The following MAML2 variants were observed in gnomAD, a reference collection of about 807,000 sequenced individuals.
MAML2 encodes mastermind like transcriptional coactivator 2.
In MAML2, 22 loss-of-function variants were observed where a neutral mutation model predicts 96.1. The ratio of observed to expected loss-of-function variants is 0.23; its 90% CI spans 0.16 to 0.33. The LOEUF is 0.33. MAML2 is among the 10% of genes least tolerant of loss of function. The pLI, the probability that MAML2 is intolerant of heterozygous loss-of-function variation, is 1.00. For missense variants in MAML2, 1,367 were observed against 1,392.4 expected, an observed-to-expected ratio of 0.98 and a Z score of 0.29; for synonymous variants, 561 against 521.3, an observed-to-expected ratio of 1.08 and a Z score of -1.04.
intron 2 of MAML2, among the ~76,000 whole-genome samples, chr11:96,059,934 A>G (rs1267277327): frequency 6.6e-6 from 1 of 152,222 alleles, no homozygotes; most frequent in East Asian, 1.9e-4. Flanking sequence ...CCACTAGATC[A>G]ATGTGTTAAG....
intron 1 of MAML2, among the ~76,000 whole-genome samples, chr11:96,271,455 G>T (rs1415478468): frequency 6.6e-6 from 1 of 152,138 alleles, no homozygotes; most frequent in Non-Finnish European, 1.5e-5. Context: ...ATCTCATCTT[G>T]AATTGTAGTT....
chr11:96,052,866 G>C (rs549433874), intron 2 of MAML2, among the ~76,000 whole-genome samples: 1 of 152,326 alleles, frequency 6.6e-6, no homozygotes, highest in East Asian at 1.9e-4. Context: ...TCTTTGCCTA[G>C]AATGAAGCCT....
chr11:96,240,762 C>T (rs1216696496), intron 1 of MAML2, among the ~76,000 whole-genome samples: 2 of 151,826 alleles, frequency 1.3e-5, no homozygotes, highest in African/African-American at 4.8e-5. Context: ...TGAAAACTGC[C>T]AGCAGAAAGG....
intron 1 of MAML2, among the ~76,000 whole-genome samples, chr11:96,123,728 T>C (rs531646963): frequency 1.2e-3 from 183 of 152,130 alleles, no homozygotes; most frequent in Non-Finnish European, 2.1e-3. Context: ...TGAGGAACAG[T>C]GTGCACAGAT....
Position 96,276,550 on chromosome 11 carries a change from C to T in MAML2, c.513+64833G>A, listed in dbSNP as rs553817122. Among the ~76,000 whole-genome samples, 6 of 152,264 alleles carry T rather than the reference C, an allele frequency of 3.9e-5. No homozygotes were observed. The South Asian group carries it at 8.3e-4, about 21-fold the overall frequency. ...AGTGACACCTTAGGGTCATGCCAGCCTGTACCGACAACCATAGTTCCAAGG... is the reference window on the plus strand; with the variant it reads ...AGTGACACCTTAGGGTCATGCCAGCTTGTACCGACAACCATAGTTCCAAGG... On this transcript the variant is annotated intron_variant, in intron 1 of 4. Coordinates refer to ENST00000524717, the MANE Select transcript of MAML2 (RefSeq NM_032427.4).
intron 1 of MAML2, among the ~76,000 whole-genome samples, chr11:96,332,955 C>A (rs1863872692): frequency 6.6e-6 from 1 of 152,114 alleles, no homozygotes; most frequent in Non-Finnish European, 1.5e-5. Context: ...CAACAGACTC[C>A]CGGTAAGTTA....
At chr11:96,073,215 C>T (rs926628884) in intron 2 of MAML2, among the ~76,000 whole-genome samples, 4 of 152,100 alleles carry the variant, frequency 2.6e-5, no homozygotes, top group Admixed American at 6.5e-5. Context: ...CCAATTTAGC[C>T]TTGCATAAAA....
intron 1 of MAML2, among the ~76,000 whole-genome samples, chr11:96,136,919 G>C (rs527925067): frequency 6.6e-6 from 1 of 152,098 alleles, no homozygotes; most frequent in African/African-American, 2.4e-5. Context: ...ATCTTTGAGG[G>C]GTTATAATTT....
In MAML2 at chr11:96,021,383, G is replaced by T. The variant is rs368717282; in HGVS notation, c.2140-29660C>A. Among the ~76,000 whole-genome samples the T allele has an allele frequency of 9.5e-4, 145 of 152,312 alleles. 2 individuals carry two copies. The South Asian group carries it at 0.028, about 30-fold the overall frequency. On this transcript the variant is annotated intron_variant, in intron 2 of 4. Transcript: ENST00000524717. Reference sequence around the variant, plus strand: ...CTGGTGCTTTAGTTTCCCAACTAGAGGGGGAGGATACGAATCCATCATGAC... The same window carrying T: ...CTGGTGCTTTAGTTTCCCAACTAGATGGGGAGGATACGAATCCATCATGAC...
intron 1 of MAML2, among the ~76,000 whole-genome samples, chr11:96,194,232 A>T (rs1861698390): frequency 6.6e-6 from 1 of 152,176 alleles, no homozygotes; most frequent in Non-Finnish European, 1.5e-5. Context: ...CAGTCTGGGG[A>T]GTGGGAAGTG....
chr11:96,183,400 C>G (rs576879284), intron 1 of MAML2, among the ~76,000 whole-genome samples: 11 of 62,126 alleles, frequency 1.8e-4, no homozygotes, highest in Non-Finnish European at 2.8e-4. Context: ...TCCTCCCCCC[C>G]CCCCCTTTCT....
chr11:96,043,611 G>A (rs544531742), intron 2 of MAML2, among the ~76,000 whole-genome samples: 2 of 152,220 alleles, frequency 1.3e-5, no homozygotes, highest in Non-Finnish European at 2.9e-5. Context: ...CAGAATCGAT[G>A]AGAAATCCCT....
At chr11:96,179,426 C>G (rs1420226061) in intron 1 of MAML2, among the ~76,000 whole-genome samples, 1 of 152,158 alleles carries the variant, frequency 6.6e-6, no homozygotes, top group Non-Finnish European at 1.5e-5. Context: ...CTTTAACCCC[C>G]TCCTCCCAAA....
intron 1 of MAML2, among the ~76,000 whole-genome samples, chr11:96,265,492 A>G (rs181013065): frequency 1.3e-4 from 19 of 150,028 alleles, no homozygotes; most frequent in African/African-American, 3.8e-4. Flanking sequence ...AGTGCTGGGT[A>G]GAGGAAGGCA....
At chr11:96,003,360 C>T (rs1858127949) in intron 2 of MAML2, among the ~76,000 whole-genome samples, 1 of 152,044 alleles carries the variant, frequency 6.6e-6, no homozygotes. Flanking sequence ...TAATGAGTCC[C>T]CATAATAATT....
In MAML2 at chr11:96,231,434, T is replaced by C. The variant is rs140715236; in HGVS notation, c.513+109949A>G. 2.6e-5 allele frequency among the ~76,000 whole-genome samples: 4 copies of C among 152,346 alleles called. No homozygotes were observed. In the East Asian group the frequency reaches 7.7e-4, roughly 29 times the overall value. ...GTAGCCTACGCCATTAAGGATTTTATACTGGAGCTGGGAGATAATCAATCA... is the reference window on the plus strand; with the variant it reads ...GTAGCCTACGCCATTAAGGATTTTACACTGGAGCTGGGAGATAATCAATCA... On this transcript the variant is annotated intron_variant, in intron 1 of 4. Coordinates refer to ENST00000524717, the MANE Select transcript of MAML2 (RefSeq NM_032427.4).
At chr11:96,306,151 T>C (rs192474543) in intron 1 of MAML2, among the ~76,000 whole-genome samples, 1 of 152,274 alleles carries the variant, frequency 6.6e-6, no homozygotes, top group East Asian at 1.9e-4. Flanking sequence ...GCACTTCAGT[T>C]GTGCACTTCA....
intron 2 of MAML2, among the ~76,000 whole-genome samples, chr11:96,054,326 C>T (rs1859030491): frequency 6.6e-6 from 1 of 152,124 alleles, no homozygotes; most frequent in South Asian, 2.1e-4. Context: ...CAGTAAAATT[C>T]ACTGAGTGAT....
At position 96,342,469 on chromosome 11, in the gene MAML2, A is replaced by G. The variant is rs1321491470; in HGVS notation, c.-574T>C. 5.0e-6 allele frequency: 2 copies of G among 398,608 alleles called. No individual in the cohort carries two copies. The highest frequency in any genetic ancestry group is 8.8e-6 in the Non-Finnish European group (2 of 226,168). 24.7% of individuals were successfully genotyped at this position (398,608 alleles called of 1,614,324 possible). On this transcript the variant is annotated 5_prime_UTR_variant, in exon 1 of 5. Coordinates refer to ENST00000524717, the MANE Select transcript of MAML2 (RefSeq NM_032427.4). ...GTTAAATAAAAAACCAAAACAAAAC[A>G]AAACAGTGCTGTTTCAGAAGATGTT...
Sources: gnomAD v4.1 joint callset for allele counts (sites outside exome capture counted in the v4.1 genomes callset) on GRCh38, gnomAD v4.1.1 for gene constraint, MANE v1.5 for transcripts, NCBI Gene and HGNC (gene_info 2026-07-23, HGNC 2026-07-21) for gene names.